The following NR2F1-AS1 variants were observed in gnomAD, a reference collection of about 807,000 sequenced individuals.
The protein encoded by NR2F1-AS1 is NR2F1 regulatory antisense RNA 1, also known as NR2F1 antisense RNA 1.
At chr5:93,559,362 C>A (rs1479149371) in intron 2 of NR2F1-AS1, among the ~76,000 whole-genome samples, 5 of 152,216 alleles carry the variant, frequency 3.3e-5, no homozygotes, top group Non-Finnish European at 7.3e-5. Context: ...CTAGATTAGG[C>A]TTTCACCTAA....
intron 4 of NR2F1-AS1, among the ~76,000 whole-genome samples, chr5:93,545,139 C>T: frequency 6.6e-6 from 1 of 152,044 alleles, no homozygotes; most frequent in East Asian, 1.9e-4. Flanking sequence ...ACACTTAAGT[C>T]CCTATAGAGT....
intron 4 of NR2F1-AS1, among the ~76,000 whole-genome samples, chr5:93,495,792 T>C (rs1342928938): frequency 6.6e-6 from 1 of 152,004 alleles, no homozygotes; most frequent in African/African-American, 2.4e-5. Context: ...AAGAGGAAAT[T>C]ATTTCCTCTT....
intron 4 of NR2F1-AS1, among the ~76,000 whole-genome samples, chr5:93,513,171 T>C (rs1751336474): frequency 6.6e-6 from 1 of 152,144 alleles, no homozygotes; most frequent in African/African-American, 2.4e-5. Flanking sequence ...CAACAGATGC[T>C]GGTGAGGCTG....
intron 4 of NR2F1-AS1, among the ~76,000 whole-genome samples, chr5:93,487,634 G>T (rs1244827180): frequency 6.6e-6 from 1 of 152,172 alleles, no homozygotes; most frequent in African/African-American, 2.4e-5. Context: ...CTCATGGATA[G>T]GAAGAATCAA....
chr5:93,585,169 C>T (rs1353929611), upstream of NR2F1-AS1: 3 of 1,225,778 alleles, frequency 2.4e-6, no homozygotes, highest in East Asian at 6.7e-5. Context: ...TCGGGCGCGC[C>T]GCACACGCCG....
rs1752963214 is a variant in NR2F1-AS1, at chr5:93,579,213, C to G, written n.313+1254G>C. 6.6e-6 allele frequency among the ~76,000 whole-genome samples: 1 copy of G among 152,102 alleles called. No individual in the cohort carries two copies. The highest frequency in any genetic ancestry group is 1.9e-4 in the East Asian group (1 of 5,168). Reference sequence around the variant, plus strand: ...TGACAGAAAGTTGGCAAGGATGCCCCGTAGGAGTGCGAGCCGCTCCCCTCC... The same window carrying G: ...TGACAGAAAGTTGGCAAGGATGCCCGGTAGGAGTGCGAGCCGCTCCCCTCC... On this transcript the variant is annotated intron_variant and non_coding_transcript_variant, in intron 1 of 5. Transcript: ENST00000660523. The surrounding 1 kb of genome is among the most constrained non-coding windows in gnomAD (Gnocchi z 5.1).
At chr5:93,462,842 C>T (rs1001263065) in intron 4 of NR2F1-AS1, among the ~76,000 whole-genome samples, 2 of 152,108 alleles carry the variant, frequency 1.3e-5, no homozygotes, top group African/African-American at 4.8e-5. Context: ...GGGTATCTGG[C>T]AGAAGAAATT....
intron 4 of NR2F1-AS1, among the ~76,000 whole-genome samples, chr5:93,458,939 G>T (rs1486319614): frequency 4.0e-5 from 6 of 150,632 alleles, no homozygotes; most frequent in Non-Finnish European, 7.4e-5. Context: ...TTGAACACAG[G>T]AGGCAAAGGT....
At chr5:93,514,224 A>T (rs1751358081) in intron 4 of NR2F1-AS1, among the ~76,000 whole-genome samples, 1 of 152,152 alleles carries the variant, frequency 6.6e-6, no homozygotes, top group Non-Finnish European at 1.5e-5. Flanking sequence ...AAAATTTTTC[A>T]ATTGGTATTT....
intron 4 of NR2F1-AS1, among the ~76,000 whole-genome samples, chr5:93,491,373 G>C (rs1012741458): frequency 7.0e-6 from 1 of 143,228 alleles, no homozygotes; most frequent in Non-Finnish European, 1.5e-5. Flanking sequence ...GATGGTGGGG[G>C]GGTGGTGGTG....
At chr5:93,485,201 C>A (rs1750689474) in intron 4 of NR2F1-AS1, among the ~76,000 whole-genome samples, 1 of 152,054 alleles carries the variant, frequency 6.6e-6, no homozygotes, top group South Asian at 2.1e-4. Context: ...TAAAATTGAC[C>A]ACATAATTGG....
intron 4 of NR2F1-AS1, chr5:93,410,367 C>CT (rs1748828185): frequency 3.9e-5 from 6 of 152,286 alleles, no homozygotes; most frequent in Admixed American, 3.3e-4. Flanking sequence ...CTGGGGTCCA[C>CT]AGGCTGCAGA....
chr5:93,455,675 T>C (rs867256564), intron 4 of NR2F1-AS1, among the ~76,000 whole-genome samples: 4 of 151,998 alleles, frequency 2.6e-5, no homozygotes, highest in Non-Finnish European at 5.9e-5. Context: ...TCAGATGAGG[T>C]AGACTTCAGA....
At chr5:93,539,646 G>A (rs1262776329) in intron 4 of NR2F1-AS1, among the ~76,000 whole-genome samples, 2 of 152,032 alleles carry the variant, frequency 1.3e-5, no homozygotes, top group African/African-American at 4.8e-5. Context: ...TTGGTCAATG[G>A]GTGCAAAGTT....
At chr5:93,520,524 C>A (rs1015249473) in intron 4 of NR2F1-AS1, among the ~76,000 whole-genome samples, 2 of 152,050 alleles carry the variant, frequency 1.3e-5, no homozygotes, top group African/African-American at 4.8e-5. Context: ...ACAGGTTTTA[C>A]TGAATGAAGA....
intron 4 of NR2F1-AS1, among the ~76,000 whole-genome samples, chr5:93,518,371 T>C (rs577689608): frequency 1.1e-4 from 16 of 152,100 alleles, no homozygotes; most frequent in South Asian, 6.2e-4. Context: ...TTACTACAAT[T>C]CTGGCTTTAT....
At chr5:93,423,237 C>T (rs1749125394) in intron 4 of NR2F1-AS1, 1 of 152,136 alleles carries the variant, frequency 6.6e-6, no homozygotes, top group Non-Finnish European at 1.5e-5. Context: ...TCCGGGGCCT[C>T]TCCTTAGCTA....
chr5:93,443,219 G>T (rs1168874491), intron 4 of NR2F1-AS1, among the ~76,000 whole-genome samples: 35 of 152,196 alleles, frequency 2.3e-4, no homozygotes, highest in Admixed American at 2.2e-3. Flanking sequence ...AGAGAAGAAG[G>T]CTTCAGATGA....
chr5:93,524,866 A>G (rs1561482829), intron 4 of NR2F1-AS1, among the ~76,000 whole-genome samples: 1 of 152,220 alleles, frequency 6.6e-6, no homozygotes, highest in Non-Finnish European at 1.5e-5. Flanking sequence ...AGCACTAAAC[A>G]TGGTAAGGAA....
Sources: allele counts gnomAD v4.1 joint callset (sites outside exome capture counted in the v4.1 genomes callset), GRCh38; gene constraint gnomAD v4.1.1; non-coding constraint Gnocchi (gnomAD v3.1); transcripts MANE v1.5; gene names NCBI Gene and HGNC (gene_info 2026-07-23, HGNC 2026-07-21).